TMC1: variants seen among roughly 807,000 people sequenced by gnomAD.
TMC1 encodes the protein transmembrane channel like 1, also known as transmembrane channel-like protein 1.
Under a neutral mutation model 105.8 loss-of-function variants are expected in TMC1, and 84 were observed. That is an observed-to-expected ratio of 0.79 (90% CI 0.67 to 0.95). The LOEUF (loss-of-function observed/expected upper bound fraction) is 0.95, where lower values mean the gene tolerates loss of function less well. Ranked by LOEUF, TMC1 falls within the 40% of genes least tolerant of loss-of-function variation. TMC1 has a pLI of 0.00. For missense variants in TMC1, 817 were observed against 914.1 expected (o/e 0.89, Z 1.37); for synonymous variants, 315 against 311.5 (o/e 1.01, Z -0.12).
rs190754836 is a variant in TMC1, at chr9:72,535,504, G to T, written c.-428+13591G>T. 3.7e-4 allele frequency among the ~76,000 whole-genome samples: 56 copies of T among 152,186 alleles called. 1 individual carries two copies. The East Asian group carries it at 0.01, about 28-fold the overall frequency. The stretch of plus-strand genomic sequence containing the variant: ...GGATATGTGATTTGTCAATTTTGTT[G>T]CCTCACTTCCTCCTCAAGAACTTTC... On this transcript the variant is annotated intron_variant, in intron 1 of 23. Coordinates refer to ENST00000297784, the MANE Select transcript of TMC1 (RefSeq NM_138691.3).
chr9:72,762,249 A>C (rs1397756427), intron 12 of TMC1, among the ~76,000 whole-genome samples: 1 of 152,186 alleles, frequency 6.6e-6, no homozygotes, highest in Non-Finnish European at 1.5e-5. Context: ...AGTATTTCCC[A>C]TCATGCTCAG....
intron 7 of TMC1, among the ~76,000 whole-genome samples, chr9:72,696,205 C>A (rs1826547976): frequency 6.6e-6 from 1 of 152,176 alleles, no homozygotes; most frequent in African/African-American, 2.4e-5. Flanking sequence ...AACTGCTCAA[C>A]TTCTAGGAAA....
At chr9:72,642,142 G>A (rs1825639429) in intron 4 of TMC1, among the ~76,000 whole-genome samples, 1 of 152,064 alleles carries the variant, frequency 6.6e-6, no homozygotes, top group Admixed American at 6.5e-5. Context: ...TGGTGATTAA[G>A]GACTTCACGA....
intron 4 of TMC1, among the ~76,000 whole-genome samples, chr9:72,643,848 G>T (rs752326560): frequency 9.2e-5 from 14 of 152,094 alleles, no homozygotes; most frequent in Non-Finnish European, 1.9e-4. Context: ...TAAAGAAATT[G>T]CCAAATTGTT....
chr9:72,736,817 T>G (rs1392033657), intron 8 of TMC1, among the ~76,000 whole-genome samples: 2 of 151,940 alleles, frequency 1.3e-5, no homozygotes, highest in Non-Finnish European at 2.9e-5. Flanking sequence ...CTATGCAAAA[T>G]TGGGCAATAA....
intron 2 of TMC1, among the ~76,000 whole-genome samples, chr9:72,585,061 A>G (rs1824533136): frequency 1.3e-5 from 2 of 151,706 alleles, no homozygotes; most frequent in South Asian, 4.1e-4. Context: ...CTGGGATTAC[A>G]GGTGTAAGCC....
chr9:72,544,147 C>T (rs531082311), intron 1 of TMC1, among the ~76,000 whole-genome samples: 1 of 152,056 alleles, frequency 6.6e-6, no homozygotes, highest in Non-Finnish European at 1.5e-5. Context: ...AAATGGGTTT[C>T]ACCATGTTGG....
At chr9:72,538,053 G>T (rs1823611991) in intron 1 of TMC1, among the ~76,000 whole-genome samples, 1 of 151,818 alleles carries the variant, frequency 6.6e-6, no homozygotes, top group Non-Finnish European at 1.5e-5. Context: ...CTACTCGAGA[G>T]ACTGGGGCAG....
At chr9:72,762,083 C>CCTAT (rs1361014248) in intron 12 of TMC1, among the ~76,000 whole-genome samples, 2 of 151,924 alleles carry the variant, frequency 1.3e-5, no homozygotes, top group Non-Finnish European at 2.9e-5. Flanking sequence ...TAATGCAGGC[C>CCTAT]CTATACCTGT....
chr9:72,796,675 G>A lies in TMC1; in HGVS notation c.1566+4323G>A, dbSNP rs551949813. Among the ~76,000 whole-genome samples the A allele has an allele frequency of 3.9e-5, 6 of 151,978 alleles. No individual in the cohort carries two copies. In the South Asian group the frequency reaches 8.3e-4, roughly 21 times the overall value. On this transcript the variant is annotated intron_variant, in intron 17 of 23. Transcript: ENST00000297784. ...AAGCTTTCAATAAAATTCAACACCC[G>A]TTCATGTTAAAAACTCTCAATAAAC...
rs139322756 is a variant in TMC1 at position 72,535,277 on chromosome 9, A to G, written c.-428+13364A>G. On this transcript the variant is annotated intron_variant, in intron 1 of 23. Transcript: ENST00000297784. ...TCTAAACTATTAGGATTGCAGGAGGAAACTCTCCCAGAGCTGCTAGAAGTC... is the reference window on the plus strand; with the variant it reads ...TCTAAACTATTAGGATTGCAGGAGGGAACTCTCCCAGAGCTGCTAGAAGTC... 4.2e-3 allele frequency among the ~76,000 whole-genome samples: 637 copies of G among 152,316 alleles called. 7 individuals are homozygous for G. Among genetic ancestry groups the G allele is most frequent in the African/African-American group, 0.015 (616 of 41,574 alleles).
At chr9:72,835,149 C>G (rs1029826687) in intron 23 of TMC1, among the ~76,000 whole-genome samples, 4 of 152,142 alleles carry the variant, frequency 2.6e-5, no homozygotes, top group African/African-American at 9.7e-5. Flanking sequence ...TCTTCCTCCC[C>G]AACCCCCTCA....
At chr9:72,547,910 C>T (rs1419580661) in intron 1 of TMC1, among the ~76,000 whole-genome samples, 1 of 152,204 alleles carries the variant, frequency 6.6e-6, no homozygotes, top group African/African-American at 2.4e-5. Flanking sequence ...AGTCCAAGAT[C>T]TGGTATCTGC....
chr9:72,708,067 T>G (rs1826773431), intron 8 of TMC1, among the ~76,000 whole-genome samples: 1 of 152,200 alleles, frequency 6.6e-6, no homozygotes. Flanking sequence ...AAAGATCAGT[T>G]GGCTGTAAGT....
At chr9:72,587,160 C>CTT (rs34700845) in intron 2 of TMC1, among the ~76,000 whole-genome samples, 4 of 144,964 alleles carry the variant, frequency 2.8e-5, no homozygotes, top group Non-Finnish European at 6.0e-5. Flanking sequence ...TAACAGATAA[C>CTT]TTTTTTTTTT....
intron 1 of TMC1, among the ~76,000 whole-genome samples, chr9:72,568,709 A>G (rs367725936): frequency 1.8e-3 from 270 of 152,312 alleles, no homozygotes; most frequent in Non-Finnish European, 2.4e-3. Context: ...GTGGAATCCA[A>G]GATGTTCGGC....
intron 1 of TMC1, among the ~76,000 whole-genome samples, chr9:72,557,366 C>T (rs1050532878): frequency 6.6e-6 from 1 of 150,948 alleles, no homozygotes; most frequent in African/African-American, 2.4e-5. Context: ...GTGAGACTCT[C>T]AAAAAAACAA....
intron 20 of TMC1, among the ~76,000 whole-genome samples, chr9:72,826,092 C>T (rs774988627): frequency 1.3e-5 from 2 of 152,170 alleles, no homozygotes; most frequent in East Asian, 1.9e-4. Context: ...TGGTGAAACC[C>T]AACCCAAATC....
intron 17 of TMC1, among the ~76,000 whole-genome samples, chr9:72,794,226 C>A (rs1255740337): frequency 1.3e-5 from 2 of 152,102 alleles, no homozygotes; most frequent in African/African-American, 2.4e-5. Flanking sequence ...AGACCCTTGG[C>A]CATAACCATG....
Sources: gnomAD v4.1 joint callset for allele counts (sites outside exome capture counted in the v4.1 genomes callset) on GRCh38, gnomAD v4.1.1 for gene constraint, MANE v1.5 for transcripts, NCBI Gene and HGNC (gene_info 2026-07-23, HGNC 2026-07-21) for gene names.